The following NYAP2 variants were observed in gnomAD, a reference collection of about 807,000 sequenced individuals.
The protein encoded by NYAP2 is neuronal tyrosine-phosphorylated phosphoinositide-3-kinase adapter 2.
In NYAP2, 23 loss-of-function variants were observed where a neutral mutation model predicts 50.4. The observed-to-expected ratio is 0.46, with a 90% confidence interval of 0.33 to 0.65. The LOEUF is 0.65. Ranked by LOEUF, NYAP2 falls within the 30% of genes least tolerant of loss-of-function variation. The pLI, the probability that NYAP2 is intolerant of heterozygous loss-of-function variation, is 0.02. For synonymous variants in NYAP2, 394 were observed against 365.2 expected (o/e 1.08, Z -0.90); for missense variants, 885 against 861.0 (o/e 1.03, Z -0.35).
At position 225,582,578 on chromosome 2, in the gene NYAP2, C is replaced by A. The variant is rs1443798399; in HGVS notation, c.1161C>A (p.Val387=). 1.0e-5 allele frequency: 16 copies of A among 1,597,998 alleles called. No individual in the cohort carries two copies. The highest frequency in any genetic ancestry group is 1.7e-4 in the Middle Eastern group (1 of 6,052). ...CGCCCTCCACGCTGCCGTCCCACGT[C>A]CCCGGCCATGCGAAACTGGAGAAAG... The change falls in exon 5 of 7, where the codon GTC becomes GTA. Residue 387 remains valine (V), a synonymous_variant. Coordinates refer to ENST00000636099, the Ensembl canonical transcript of NYAP2. The surrounding 1 kb of genome is among the most constrained non-coding windows in gnomAD (Gnocchi z 7.0).
chr2:225,440,514 T>C, intron 3 of NYAP2, among the ~76,000 whole-genome samples: 1 of 152,174 alleles, frequency 6.6e-6, no homozygotes, highest in East Asian at 1.9e-4. Context: ...CAATAATAAA[T>C]GCTCAATAAA....
chr2:225,696,548 G>T, the NYAP2 span, among the ~76,000 whole-genome samples: 1 of 151,842 alleles, frequency 6.6e-6, no homozygotes, highest in African/African-American at 2.4e-5. Flanking sequence ...ATGTTTTCTA[G>T]GTCTAGGACC....
chr2:225,558,423 T>C (rs1691813687), intron 4 of NYAP2, among the ~76,000 whole-genome samples: 2 of 152,170 alleles, frequency 1.3e-5, no homozygotes, highest in Non-Finnish European at 2.9e-5. Context: ...TGGAAATCAG[T>C]AAATGATAGC....
chr2:225,568,690 A>G (rs1046669083), intron 4 of NYAP2, among the ~76,000 whole-genome samples: 1 of 152,228 alleles, frequency 6.6e-6, no homozygotes, highest in Non-Finnish European at 1.5e-5. Flanking sequence ...GGGAAAAGGG[A>G]AATACCTAAA....
intron 3 of NYAP2, among the ~76,000 whole-genome samples, chr2:225,490,789 G>A (rs1295666266): frequency 6.6e-6 from 1 of 152,170 alleles, no homozygotes; most frequent in Non-Finnish European, 1.5e-5. Context: ...ATGCAGAGTT[G>A]CTAAACATTG....
chr2:225,548,764 C>T (rs996575882), intron 4 of NYAP2, among the ~76,000 whole-genome samples: 1 of 152,098 alleles, frequency 6.6e-6, no homozygotes, highest in African/African-American at 2.4e-5. Flanking sequence ...TATTTCAAAC[C>T]TAATAACTTT....
At chr2:225,518,470 A>G (rs965700037) in intron 4 of NYAP2, among the ~76,000 whole-genome samples, 3 of 142,268 alleles carry the variant, frequency 2.1e-5, no homozygotes, top group African/African-American at 7.7e-5. Flanking sequence ...TGTATTGAGC[A>G]TCCTTAAGAG....
exon 6 of NYAP2, chr2:225,626,946 C>T: frequency 1.3e-6 from 2 of 1,581,836 alleles, no homozygotes; most frequent in Non-Finnish European, 1.7e-6. Context: ...AGTCCGAAGC[C>T]ACAGCACGGA....
At chr2:225,616,402 A>T (rs559587458) in intron 5 of NYAP2, among the ~76,000 whole-genome samples, 1 of 152,334 alleles carries the variant, frequency 6.6e-6, no homozygotes, top group East Asian at 1.9e-4. Context: ...GACTTGGAGG[A>T]TGGAATAATA....
At chr2:225,657,102 CTTTTTTTTTTTTTTT>C (rs375126014), downstream of NYAP2, among the ~76,000 whole-genome samples, 5,478 of 101,292 alleles carry the variant, frequency 0.054, 211 homozygotes, top group Non-Finnish European at 0.068. Flanking sequence ...AATCTAATTC[CTTTTTTTTTTTTTTT>C]TTTTTTTTTT....
intron 4 of NYAP2, among the ~76,000 whole-genome samples, chr2:225,554,685 G>T (rs1195834837): frequency 6.6e-6 from 1 of 152,078 alleles, no homozygotes. Context: ...GGGATTGGGG[G>T]AGGGGCAAAG....
intron 5 of NYAP2, among the ~76,000 whole-genome samples, chr2:225,583,381 C>T (rs1226306733): frequency 2.0e-5 from 3 of 151,954 alleles, no homozygotes; most frequent in Admixed American, 6.6e-5. Flanking sequence ...AGATAACGCA[C>T]GGAGTACGTG....
rs376750469 is a variant in NYAP2, at chr2:225,511,373, C to CACACAGAG, written c.222-1997_222-1996insCACAGAGA. Reference sequence around the variant, plus strand: ...ACACACACACACACACACACACACACAGAGAGAGAGAGAGAGAGAGGATAA... The same window carrying CACACAGAG: ...ACACACACACACACACACACACACACACACAGAGAGAGAGAGAGAGAGAGAGAGGATAA... On this transcript the variant is annotated intron_variant, in intron 3 of 6. Coordinates refer to ENST00000636099, the Ensembl canonical transcript of NYAP2. Among the ~76,000 whole-genome samples, 237 of 117,812 alleles carry CACACAGAG rather than the reference C, an allele frequency of 2.0e-3. 1 individual carries two copies. The Middle Eastern group carries it at 0.021, about 10-fold the overall frequency. 77.3% of individuals were successfully genotyped at this position (117,812 alleles called of 152,430 possible).
At chr2:225,427,145 A>G (rs1695299656) in intron 3 of NYAP2, among the ~76,000 whole-genome samples, 2 of 152,182 alleles carry the variant, frequency 1.3e-5, no homozygotes, top group Admixed American at 1.3e-4. Context: ...GCTGCCTGTC[A>G]TCCTTAAAGT....
At chr2:225,517,373 G>A (rs1239524523) in intron 4 of NYAP2, among the ~76,000 whole-genome samples, 1 of 152,128 alleles carries the variant, frequency 6.6e-6, no homozygotes, top group Non-Finnish European at 1.5e-5. Flanking sequence ...AGCAAAAGGA[G>A]GGAGTGTGCA....
Position 225,462,531 on chromosome 2 carries a change from C to T in NYAP2, c.222-50840C>T, listed in dbSNP as rs968279927. Among the ~76,000 whole-genome samples, 3 of 152,050 alleles carry T rather than the reference C, an allele frequency of 2.0e-5. No homozygotes were observed. The East Asian group carries it at 5.8e-4, about 29-fold the overall frequency. ...CATCCCAATGAATGACTTTATAACT[C>T]GGATGATGTTATGCATAGGTCAGAG... On this transcript the variant is annotated intron_variant, in intron 3 of 6. Transcript: ENST00000636099.
chr2:225,402,967 T>C (rs1694888085), intron 2 of NYAP2, among the ~76,000 whole-genome samples: 1 of 152,040 alleles, frequency 6.6e-6, no homozygotes, highest in Non-Finnish European at 1.5e-5. Flanking sequence ...ATTTTAAATA[T>C]TAATTTGCAT....
intron 3 of NYAP2, among the ~76,000 whole-genome samples, chr2:225,462,327 A>C (rs898432829): frequency 6.6e-6 from 1 of 152,076 alleles, no homozygotes; most frequent in East Asian, 1.9e-4. Flanking sequence ...GGTTGAGTAC[A>C]TTTCTTTTCT....
chr2:225,440,884 T>C (rs1442866406), intron 3 of NYAP2, among the ~76,000 whole-genome samples: 1 of 152,182 alleles, frequency 6.6e-6, no homozygotes, highest in Non-Finnish European at 1.5e-5. Flanking sequence ...GGGAGACTCC[T>C]TGCTTTAGAG....
Sources: gnomAD v4.1 joint callset for allele counts (sites outside exome capture counted in the v4.1 genomes callset) on GRCh38, gnomAD v4.1.1 for gene constraint, Gnocchi (gnomAD v3.1) non-coding constraint, MANE v1.5 for transcripts, NCBI Gene and HGNC (gene_info 2026-07-23, HGNC 2026-07-21) for gene names.